The following DOCK4 variants were observed in gnomAD, a reference collection of about 807,000 sequenced individuals.
DOCK4 encodes dedicator of cytokinesis protein 4.
In DOCK4, 97 loss-of-function variants were observed where a neutral mutation model predicts 268.1. The observed-to-expected ratio is 0.36, with a 90% confidence interval of 0.31 to 0.43. The LOEUF (loss-of-function observed/expected upper bound fraction) is 0.43, where lower values mean the gene tolerates loss of function less well. Ranked by LOEUF, DOCK4 falls within the 20% of genes least tolerant of loss-of-function variation. DOCK4 has a pLI of 1.00. For synonymous variants in DOCK4, 954 were observed against 887.2 expected (o/e 1.08, Z -1.34); for missense variants, 2,145 against 2,455.7 (o/e 0.87, Z 2.67).
intron 23 of DOCK4, among the ~76,000 whole-genome samples, chr7:111,861,001 T>C (rs1805463081): frequency 6.6e-6 from 1 of 152,160 alleles, no homozygotes; most frequent in African/African-American, 2.4e-5. Flanking sequence ...AACAAAGAAT[T>C]ATCTGGTCAG....
At chr7:112,190,549 T>C (rs1400290894) in intron 1 of DOCK4, among the ~76,000 whole-genome samples, 5 of 152,032 alleles carry the variant, frequency 3.3e-5, no homozygotes, top group Middle Eastern at 3.4e-3. Flanking sequence ...AGTGGTTCCA[T>C]AGGATGGAGG....
At chr7:112,042,068 T>G (rs981511554) in intron 1 of DOCK4, among the ~76,000 whole-genome samples, 1 of 152,100 alleles carries the variant, frequency 6.6e-6, no homozygotes, top group Non-Finnish European at 1.5e-5. Context: ...AAGGCTACAG[T>G]GTACTACTAC....
In DOCK4 at chr7:111,758,598, A is replaced by G. The variant is rs142892458; in HGVS notation, c.4329+26T>C. On this transcript the variant is annotated intron_variant, in intron 41 of 52. Coordinates refer to ENST00000428084, the MANE Select transcript of DOCK4 (RefSeq NM_001363540.2). Reference sequence around the variant, plus strand: ...GGGCTCGCAGTCTATCTGAGGAGTTAGCATGTAATAAGAATTGCATGGTAC... The same window carrying G: ...GGGCTCGCAGTCTATCTGAGGAGTTGGCATGTAATAAGAATTGCATGGTAC... 1.2e-5 allele frequency: 19 copies of G among 1,611,998 alleles called. No homozygotes were observed. The East Asian group carries it at 4.0e-4, about 34-fold the overall frequency.
chr7:111,913,716 T>C (rs1002746746), intron 13 of DOCK4, among the ~76,000 whole-genome samples: 7 of 151,202 alleles, frequency 4.6e-5, no homozygotes, highest in African/African-American at 1.7e-4. Flanking sequence ...GCCACAATTT[T>C]TTTTTTTTTT....
rs367564263 is a variant in DOCK4 at position 112,006,277 on chromosome 7, G to A, written c.38-2146C>T. Among the ~76,000 whole-genome samples, 28 of 152,242 alleles carry A rather than the reference G, an allele frequency of 1.8e-4. No individual in the cohort carries two copies. In the East Asian group the frequency reaches 4.4e-3, roughly 24 times the overall value. ...TGTGGCTGGGTGTAAATAATCACTG[G>A]GTGAGTGAATGAGGGTATGGTTTAA... On this transcript the variant is annotated intron_variant, in intron 1 of 52. Coordinates refer to ENST00000428084, the MANE Select transcript of DOCK4 (RefSeq NM_001363540.2).
chr7:111,760,738 T>TTGTGTGTGTGTG (rs3997406), intron 39 of DOCK4, among the ~76,000 whole-genome samples: 53 of 137,000 alleles, frequency 3.9e-4, no homozygotes, highest in African/African-American at 1.4e-3. Context: ...TGTCTGCTTT[T>TTGTGTGTGTGTG]TGTGTGTGTG....
At chr7:112,181,020 T>G (rs1358617328) in intron 1 of DOCK4, among the ~76,000 whole-genome samples, 1 of 152,164 alleles carries the variant, frequency 6.6e-6, no homozygotes, top group Non-Finnish European at 1.5e-5. Flanking sequence ...AGCAAGTGAG[T>G]ATGAGCAAGA....
intron 12 of DOCK4, among the ~76,000 whole-genome samples, chr7:111,933,086 A>G (rs895451335): frequency 7.0e-6 from 1 of 143,424 alleles, no homozygotes; most frequent in Admixed American, 6.9e-5. Context: ...ACACATATAT[A>G]TACGTATATA....
intron 1 of DOCK4, among the ~76,000 whole-genome samples, chr7:112,080,847 C>G (rs897613262): frequency 6.6e-6 from 1 of 152,150 alleles, no homozygotes; most frequent in South Asian, 2.1e-4. Flanking sequence ...GAACTAGCAA[C>G]TGGATGCAGA....
At chr7:112,138,532 G>A (rs763032498) in intron 1 of DOCK4, among the ~76,000 whole-genome samples, 7 of 152,184 alleles carry the variant, frequency 4.6e-5, no homozygotes, top group Admixed American at 6.5e-5. Flanking sequence ...ATGTTGAGAC[G>A]AAGTATGAAT....
At chr7:112,187,191 C>G (rs1435283830) in intron 1 of DOCK4, among the ~76,000 whole-genome samples, 1 of 152,112 alleles carries the variant, frequency 6.6e-6, no homozygotes. Context: ...TCACGTGTTA[C>G]AACCATAATT....
chr7:112,096,116 T>C (rs1384673740), intron 1 of DOCK4, among the ~76,000 whole-genome samples: 2 of 152,054 alleles, frequency 1.3e-5, no homozygotes, highest in African/African-American at 4.8e-5. Flanking sequence ...AATAATTAAA[T>C]AGGGTCTTTT....
intron 1 of DOCK4, among the ~76,000 whole-genome samples, chr7:112,197,972 A>G (rs1023212498): frequency 7.4e-6 from 1 of 134,770 alleles, no homozygotes; most frequent in African/African-American, 3.2e-5. Flanking sequence ...CCTGCCTAGA[A>G]AAAAAAAAAA....
At chr7:112,012,760 T>G (rs187818454) in intron 1 of DOCK4, among the ~76,000 whole-genome samples, 152 of 152,332 alleles carry the variant, frequency 1.0e-3, no homozygotes, top group Non-Finnish European at 2.0e-3. Context: ...AGATACAGGA[T>G]TAAGTTTGCT....
chr7:112,200,736 A>AAC (rs1554478930), intron 1 of DOCK4, among the ~76,000 whole-genome samples: 16 of 118,922 alleles, frequency 1.3e-4, no homozygotes, highest in African/African-American at 5.4e-4. Context: ...AAAAAAAAAA[A>AAC]AACAAAAAAA....
intron 1 of DOCK4, among the ~76,000 whole-genome samples, chr7:112,132,635 G>C (rs1459115899): frequency 6.6e-6 from 1 of 152,048 alleles, no homozygotes; most frequent in African/African-American, 2.4e-5. Flanking sequence ...AGGGGCGGGG[G>C]GAGGTGGGGA....
At chr7:112,187,203 C>T (rs1819553651) in intron 1 of DOCK4, among the ~76,000 whole-genome samples, 1 of 152,110 alleles carries the variant, frequency 6.6e-6, no homozygotes, top group Non-Finnish European at 1.5e-5. Context: ...ACCATAATTA[C>T]TTCTATAACT....
intron 26 of DOCK4, among the ~76,000 whole-genome samples, chr7:111,829,242 GACAATT>G (rs996670735): frequency 2.0e-5 from 3 of 152,102 alleles, no homozygotes; most frequent in Non-Finnish European, 2.9e-5. Context: ...TCAGAGAGCT[GACAATT>G]ACAATTTTAT....
At chr7:111,997,758 T>A (rs1800085715) in intron 4 of DOCK4, among the ~76,000 whole-genome samples, 1 of 152,216 alleles carries the variant, frequency 6.6e-6, no homozygotes, top group Non-Finnish European at 1.5e-5. Context: ...TGACACCAAA[T>A]GTTTGTGTCT....
Sources: allele counts gnomAD v4.1 joint callset (sites outside exome capture counted in the v4.1 genomes callset), GRCh38; gene constraint gnomAD v4.1.1; transcripts MANE v1.5; gene names NCBI Gene and HGNC (gene_info 2026-07-23, HGNC 2026-07-21).